The following CARD8 variants were observed in gnomAD, a reference collection of about 807,000 sequenced individuals.
CARD8 encodes caspase recruitment domain family member 8.
CARD8 carries 38 observed loss-of-function variants against 53.2 expected under a neutral mutation model. That is an observed-to-expected ratio of 0.71 (90% CI 0.55 to 0.94). The LOEUF is 0.94. Among genes scored for constraint, CARD8 ranks in the 40% least tolerant of loss-of-function variants. The pLI is 0.00. For synonymous variants in CARD8, 245 were observed against 244.9 expected (o/e 1.00, Z 0.00); for missense variants, 561 against 655.5 (o/e 0.86, Z 1.57).
At chr19:48,206,317 G>C (rs916773389), downstream of CARD8, 1 of 388,488 alleles carries the variant, frequency 2.6e-6, no homozygotes, top group African/African-American at 2.1e-5. Flanking sequence ...GTAGCAGCTA[G>C]CCACATGTGG....
At position 48,231,760 on chromosome 19, in the gene CARD8, C is replaced by T; in HGVS notation, c.442G>A (p.Val148Ile). 2 of 1,613,924 alleles carry T rather than the reference C, an allele frequency of 1.2e-6. No homozygotes were observed. Among genetic ancestry groups the T allele is most frequent in the Non-Finnish European group, 1.7e-6 (2 of 1,179,904 alleles). Residue 148 changes from valine (V) to isoleucine (I), a missense_variant, in exon 8 of 14, where the codon GTC (valine) becomes ATC (isoleucine). Val to Ile is a conservative substitution (Grantham distance 29, BLOSUM62 3). Coordinates refer to ENST00000651546, the MANE Select transcript of CARD8 (RefSeq NM_001184900.3). ...NQIVSSYASK[V>I]CFEIEEDYKN... ...TAATCTTCTTCGATCTCAAAACAGA[C>T]TTTAGAAGCATAAGAGGAAACTATT...
At chr19:48,232,339 G>T in intron 7 of CARD8, 114 bp downstream of exon 7, 1 of 974,718 alleles carries the variant, frequency 1.0e-6, no homozygotes, top group Middle Eastern at 2.4e-4. Context: ...GCAAAGGTAA[G>T]GGAAAGCACT....
intron 13 of CARD8, among the ~76,000 whole-genome samples, chr19:48,214,615 G>T (rs2038811111): frequency 6.6e-6 from 1 of 152,048 alleles, no homozygotes. Context: ...CACCCCAGGG[G>T]AAGAATCAGG....
intron 12 of CARD8, among the ~76,000 whole-genome samples, chr19:48,216,161 GAC>G (rs1786027534): frequency 6.7e-6 from 1 of 150,324 alleles, no homozygotes; most frequent in African/African-American, 2.4e-5. Context: ...GCATGATTGT[GAC>G]ACCTGGAAAA....
At chr19:48,255,167 A>G (rs1867186111) in intron 1 of CARD8, among the ~76,000 whole-genome samples, 1 of 152,170 alleles carries the variant, frequency 6.6e-6, no homozygotes, top group South Asian at 2.1e-4. Flanking sequence ...AGAGACGGAG[A>G]CCATCCTGGC....
At chr19:48,218,603 C>T (rs182712480) in intron 12 of CARD8, among the ~76,000 whole-genome samples, 2 of 152,080 alleles carry the variant, frequency 1.3e-5, no homozygotes, top group African/African-American at 2.4e-5. Context: ...ATCCTCCCCC[C>T]TCGGCCTCCC....
intron 12 of CARD8, among the ~76,000 whole-genome samples, chr19:48,216,623 C>T (rs1442715525): frequency 6.6e-6 from 1 of 152,158 alleles, no homozygotes; most frequent in African/African-American, 2.4e-5. Context: ...GAGGCACAGC[C>T]ATGAAGCTGA....
rs549476231 is a variant in CARD8, at chr19:48,217,255, C to T, written c.1303+1616G>A. Reference sequence around the variant, plus strand: ...CACAGACCGGTACCAGTCCCTAGCCCGGGGGTTGGGGACTCCTGGTCTACA... The same window carrying T: ...CACAGACCGGTACCAGTCCCTAGCCTGGGGGTTGGGGACTCCTGGTCTACA... On this transcript the variant is annotated intron_variant, in intron 12 of 13. Coordinates refer to ENST00000651546, the MANE Select transcript of CARD8 (RefSeq NM_001184900.3). Among the ~76,000 whole-genome samples, 36 of 152,212 alleles carry T rather than the reference C, an allele frequency of 2.4e-4. 1 individual carries two copies. Among genetic ancestry groups the T allele is most frequent in the African/African-American group, 7.9e-4 (33 of 41,520 alleles).
At chr19:48,216,163 C>T (rs904813967) in intron 12 of CARD8, among the ~76,000 whole-genome samples, 6 of 148,992 alleles carry the variant, frequency 4.0e-5, no homozygotes, top group Non-Finnish European at 8.9e-5. Context: ...ATGATTGTGA[C>T]ACCTGGAAAA....
At chr19:48,239,005 G>C (rs1008538097) in intron 4 of CARD8, among the ~76,000 whole-genome samples, 1 of 152,182 alleles carries the variant, frequency 6.6e-6, no homozygotes, top group Non-Finnish European at 1.5e-5. Flanking sequence ...GGTGATGCTC[G>C]CTACTGGCTT....
At chr19:48,238,754 C>T (rs2146558657) in intron 4 of CARD8, among the ~76,000 whole-genome samples, 1 of 151,918 alleles carries the variant, frequency 6.6e-6, no homozygotes, top group Middle Eastern at 3.4e-3. Flanking sequence ...ACATGCCCAT[C>T]CATAGAGATG....
At chr19:48,207,189 G>GAAAAT (rs141374442), downstream of CARD8, among the ~76,000 whole-genome samples, 2 of 132,218 alleles carry the variant, frequency 1.5e-5, no homozygotes, top group African/African-American at 5.6e-5. Flanking sequence ...GAAAAGAAAA[G>GAAAAT]AAAAAAAAAA....
chr19:48,211,957 T>C lies in CARD8; in HGVS notation c.1367A>G (p.Glu456Gly), dbSNP rs1220155242. ...CCTGGCTTGGAGTTGCCGGTGGTTCTCCTTCACAAAGGCTGCACCTGGATG... is the reference window on the plus strand; with the variant it reads ...CCTGGCTTGGAGTTGCCGGTGGTTCCCCTTCACAAAGGCTGCACCTGGATG... ...PPFSGAAFVK[E>G]NHRQLQARMG... is the part of the protein sequence containing the mutation. Residue 456 changes from glutamate (E) to glycine (G), a missense_variant, in exon 14 of 14, where the codon GAG becomes GGG. By Grantham distance (98) the Glu-to-Gly change is moderately conservative (BLOSUM62 -2). Coordinates refer to ENST00000651546, the MANE Select transcript of CARD8 (RefSeq NM_001184900.3). 1.2e-6 allele frequency: 2 copies of C among 1,614,026 alleles called. No homozygotes were observed. The highest frequency in any genetic ancestry group is 1.7e-6 in the Non-Finnish European group (2 of 1,179,930).
chr19:48,206,120 A>T (rs1455347057), downstream of CARD8, among the ~76,000 whole-genome samples: 2 of 151,536 alleles, frequency 1.3e-5, no homozygotes, highest in East Asian at 3.9e-4. Context: ...CTGGTCTCGA[A>T]CTCCTAACCT....
At chr19:48,248,203 G>T (rs1176527716) in intron 3 of CARD8, among the ~76,000 whole-genome samples, 1 of 152,094 alleles carries the variant, frequency 6.6e-6, no homozygotes. Context: ...TAAAAAACAT[G>T]TAATAAAAAT....
At chr19:48,207,057 A>G (rs893898219), downstream of CARD8, among the ~76,000 whole-genome samples, 1 of 151,360 alleles carries the variant, frequency 6.6e-6, no homozygotes, top group African/African-American at 2.4e-5. Flanking sequence ...AATCCCAGCT[A>G]CTCAGGAGGC....
chr19:48,238,998 G>A (rs2044444370), intron 4 of CARD8, among the ~76,000 whole-genome samples: 1 of 152,212 alleles, frequency 6.6e-6, no homozygotes, highest in East Asian at 1.9e-4. Flanking sequence ...CACACTTGGT[G>A]ATGCTCGCTA....
At chr19:48,230,040 G>A (rs910990124) in intron 10 of CARD8, among the ~76,000 whole-genome samples, 1 of 152,134 alleles carries the variant, frequency 6.6e-6, no homozygotes, top group Non-Finnish European at 1.5e-5. Flanking sequence ...TTGAACCCGA[G>A]AAGTGGATGT....
At chr19:48,218,723 T>A in intron 12 of CARD8, 148 bp downstream of exon 12, 1 of 822,676 alleles carries the variant, frequency 1.2e-6, no homozygotes, top group East Asian at 2.5e-5. Context: ...GTTGTTCCCC[T>A]CCCTGTGTCC....
Sources: allele counts gnomAD v4.1 joint callset (sites outside exome capture counted in the v4.1 genomes callset), GRCh38; gene constraint gnomAD v4.1.1; transcripts MANE v1.5; gene names NCBI Gene and HGNC (gene_info 2026-07-23, HGNC 2026-07-21).